The following ARHGAP6 variants were observed in gnomAD, a reference collection of about 807,000 sequenced individuals.
The protein encoded by ARHGAP6 is Rho GTPase activating protein 6.
Under a neutral mutation model 55.7 loss-of-function variants are expected in ARHGAP6, and 16 were observed. The ratio of observed to expected loss-of-function variants is 0.29; its 90% CI spans 0.19 to 0.44. The LOEUF is 0.44. Ranked by LOEUF, ARHGAP6 falls within the 20% of genes least tolerant of loss-of-function variation. The pLI, the probability that ARHGAP6 is intolerant of heterozygous loss-of-function variation, is 1.00. For missense variants in ARHGAP6, 698 were observed against 808.9 expected, an observed-to-expected ratio of 0.86 and a Z score of 1.66; for synonymous variants, 382 against 360.9, an observed-to-expected ratio of 1.06 and a Z score of -0.66.
At chrX:11,385,983 A>C (rs1254083060) in intron 1 of ARHGAP6, among the ~76,000 whole-genome samples, 2 of 112,806 alleles carry the variant, frequency 1.8e-5, no homozygotes, top group Non-Finnish European at 3.7e-5. Flanking sequence ...GGCTTTAAAA[A>C]AATACAAGTG....
intron 1 of ARHGAP6, among the ~76,000 whole-genome samples, chrX:11,605,892 G>A (rs1447294692): frequency 9.1e-6 from 1 of 110,181 alleles, no homozygotes; most frequent in African/African-American, 3.3e-5. Context: ...CCAGAGAAGA[G>A]AGTATGAGCT....
intron 2 of ARHGAP6, among the ~76,000 whole-genome samples, chrX:11,247,648 G>T (rs1356227360): frequency 1.8e-5 from 2 of 112,011 alleles, no homozygotes; most frequent in Non-Finnish European, 3.8e-5. Context: ...TTTGGCCATG[G>T]TTCAGTTGCT....
rs773099671 is a variant in ARHGAP6, at chrX:11,559,175, G to A, written c.588+105066C>T. ...GGTGGCTGGGTGGTGGTATGGAAGG[G>A]AGAAGCAATGCCACTTTCACCTCTT... On this transcript the variant is annotated intron_variant, in intron 1 of 12. Coordinates refer to ENST00000337414, the MANE Select transcript of ARHGAP6 (RefSeq NM_013427.3). Among the ~76,000 whole-genome samples the A allele has an allele frequency of 2.7e-5, 3 of 109,253 alleles. No homozygotes were observed. The South Asian group carries it at 1.2e-3, about 44-fold the overall frequency. 94.9% of individuals were successfully genotyped at this position (109,253 alleles called of 115,157 possible).
chrX:11,424,042 C>T (rs1417703531), intron 1 of ARHGAP6, among the ~76,000 whole-genome samples: 1 of 112,431 alleles, frequency 8.9e-6, no homozygotes, highest in Non-Finnish European at 1.9e-5. Context: ...GCTATTTGGC[C>T]ATGCAATTTG....
chrX:11,424,769 G>A (rs1359488899), intron 1 of ARHGAP6, among the ~76,000 whole-genome samples: 1 of 112,508 alleles, frequency 8.9e-6, no homozygotes, highest in Non-Finnish European at 1.9e-5. Flanking sequence ...TAATCTGAAC[G>A]TGGGAAAACT....
At chrX:11,151,790 C>G (rs1422650791) in intron 10 of ARHGAP6, among the ~76,000 whole-genome samples, 2 of 112,115 alleles carry the variant, frequency 1.8e-5, no homozygotes, top group African/African-American at 3.2e-5. Flanking sequence ...AAATCTTGTG[C>G]AGTTTCCACT....
intron 3 of ARHGAP6, among the ~76,000 whole-genome samples, chrX:11,191,789 A>T (rs1300234354): frequency 9.0e-6 from 1 of 111,318 alleles, no homozygotes; most frequent in African/African-American, 3.3e-5. Flanking sequence ...GCTCTGTTTC[A>T]TTTGCCCTTC....
intron 1 of ARHGAP6, among the ~76,000 whole-genome samples, chrX:11,433,839 G>T (rs1052479587): frequency 8.9e-6 from 1 of 112,463 alleles, no homozygotes; most frequent in Non-Finnish European, 1.9e-5. Flanking sequence ...TTATTTATGA[G>T]GTTAATTAAC....
At chrX:11,487,743 C>T (rs2050525777) in intron 1 of ARHGAP6, among the ~76,000 whole-genome samples, 1 of 111,637 alleles carries the variant, frequency 9.0e-6, no homozygotes, top group South Asian at 3.8e-4. Flanking sequence ...GATTCTAACC[C>T]ACTGAATAGA....
intron 1 of ARHGAP6, among the ~76,000 whole-genome samples, chrX:11,263,031 T>C (rs967449967): frequency 2.7e-5 from 3 of 110,591 alleles, no homozygotes; most frequent in Non-Finnish European, 5.7e-5. Flanking sequence ...TGCATCACCA[T>C]CTGATGTGGT....
At chrX:11,152,736 T>A (rs1292373869) in intron 10 of ARHGAP6, among the ~76,000 whole-genome samples, 1 of 112,419 alleles carries the variant, frequency 8.9e-6, no homozygotes, top group Non-Finnish European at 1.9e-5. Flanking sequence ...GGATGCCTTT[T>A]TAATGTCAAA....
At chrX:11,413,826 G>A (rs758967043) in intron 1 of ARHGAP6, among the ~76,000 whole-genome samples, 1 of 112,220 alleles carries the variant, frequency 8.9e-6, no homozygotes, top group South Asian at 3.8e-4. Context: ...GCATTTTCCA[G>A]TGATGTAGAG....
At chrX:11,520,775 A>C (rs113058922) in intron 1 of ARHGAP6, among the ~76,000 whole-genome samples, 12,265 of 111,245 alleles carry the variant, frequency 0.11, 873 homozygotes, top group African/African-American at 0.25. Context: ...TACAGTCCCA[A>C]CAACGGTGTA....
intron 1 of ARHGAP6, among the ~76,000 whole-genome samples, chrX:11,431,468 CA>C (rs2049939976): frequency 8.9e-6 from 1 of 112,514 alleles, no homozygotes; most frequent in Admixed American, 9.3e-5. Flanking sequence ...AAACTTTACC[CA>C]AATCTGTGGA....
In ARHGAP6 at chrX:11,266,074, A is replaced by T. The variant is rs3030692; in HGVS notation, c.589-11367T>A. On this transcript the variant is annotated intron_variant, in intron 1 of 12. Coordinates refer to ENST00000337414, the MANE Select transcript of ARHGAP6 (RefSeq NM_013427.3). ...GTGTGTGTGTGTGTGTGTGTGTGTG[A>T]GAGAGAGAGAGAGAGAGAGAGGGTG... is the stretch of plus-strand genomic sequence containing the variant. 7.8e-3 allele frequency: 948 copies of T among 120,812 alleles called. 2 individuals carry two copies. Among genetic ancestry groups the T allele is most frequent in the African/African-American group, 9.9e-3 (208 of 20,915 alleles). The allele number at this position is 120,812 out of a possible 1,213,427, so 10.0% of individuals were successfully genotyped here.
chrX:11,340,601 C>G (rs112482653), intron 1 of ARHGAP6, among the ~76,000 whole-genome samples: 4 of 107,058 alleles, frequency 3.7e-5, no homozygotes, highest in African/African-American at 1.4e-4. Context: ...TAGTGGCGGG[C>G]GCCTGTAGTC....
chrX:11,393,809 A>G (rs1258051747), intron 1 of ARHGAP6, among the ~76,000 whole-genome samples: 1 of 111,683 alleles, frequency 9.0e-6, no homozygotes, highest in African/African-American at 3.3e-5. Context: ...ATTCTTATCA[A>G]TGGTATTTTT....
chrX:11,254,499 A>G (rs749258598), intron 2 of ARHGAP6, 49 bp downstream of exon 2: 1 of 1,181,394 alleles, frequency 8.5e-7, no homozygotes, highest in Non-Finnish European at 1.1e-6. Context: ...TGGCAGAGCC[A>G]ATATTTGACT....
chrX:11,146,674 T>C (rs1424789387), intron 10 of ARHGAP6, among the ~76,000 whole-genome samples: 1 of 112,418 alleles, frequency 8.9e-6, no homozygotes, highest in Admixed American at 9.4e-5. Context: ...CTCTCCTTTT[T>C]CCTGACCTGA....
Sources: allele counts gnomAD v4.1 joint callset (sites outside exome capture counted in the v4.1 genomes callset), GRCh38; gene constraint gnomAD v4.1.1; transcripts MANE v1.5; gene names NCBI Gene and HGNC (gene_info 2026-07-23, HGNC 2026-07-21).